Variants in ATP11B observed in about 807,000 individuals in gnomAD.
ATP11B encodes phospholipid-transporting ATPase IF.
ATP11B carries 81 observed loss-of-function variants against 157.8 expected under a neutral mutation model. That is an observed-to-expected ratio of 0.51 (90% CI 0.43 to 0.62). The LOEUF is 0.62. Among genes scored for constraint, ATP11B ranks in the 20% least tolerant of loss-of-function variants. ATP11B has a pLI of 0.00. For missense variants in ATP11B, 1,165 were observed against 1,402.2 expected (o/e 0.83, Z 2.70); for synonymous variants, 451 against 469.4 (o/e 0.96, Z 0.51).
Position 182,887,574 on chromosome 3 carries a change from T to G in ATP11B, c.2716-12T>G. 1 of 1,600,652 alleles carries G rather than the reference T, an allele frequency of 6.2e-7. No homozygotes were observed. The highest frequency in any genetic ancestry group is 1.1e-5 in the South Asian group (1 of 87,724). ...TCAGAAACTCAACATTCCTACCAAT[T>G]TCTCTTTCTAGACATTGTATGACAG... On this transcript the variant is annotated splice_polypyrimidine_tract_variant and intron_variant, in intron 23 of 29. Coordinates refer to ENST00000323116, the MANE Select transcript of ATP11B (RefSeq NM_014616.3).
At chr3:182,814,766 C>T (rs1304252501) in intron 1 of ATP11B, among the ~76,000 whole-genome samples, 1 of 152,160 alleles carries the variant, frequency 6.6e-6, no homozygotes, top group East Asian at 1.9e-4. Context: ...CGTGAATACA[C>T]CACTGCACTC....
chr3:182,911,238 T>A (rs1021044938), intron 28 of ATP11B, among the ~76,000 whole-genome samples: 1 of 141,910 alleles, frequency 7.0e-6, no homozygotes, highest in Non-Finnish European at 1.5e-5. Flanking sequence ...CAGCCTGGAA[T>A]ATCTTTTCCC....
intron 19 of ATP11B, among the ~76,000 whole-genome samples, chr3:182,878,649 G>A (rs1185729501): frequency 6.6e-6 from 1 of 152,162 alleles, no homozygotes; most frequent in Non-Finnish European, 1.5e-5. Flanking sequence ...TAGCACCTAC[G>A]TAGCATATGC....
intron 25 of ATP11B, among the ~76,000 whole-genome samples, chr3:182,890,670 C>T (rs1217758522): frequency 6.6e-6 from 1 of 152,160 alleles, no homozygotes; most frequent in Non-Finnish European, 1.5e-5. Context: ...AATCTTGTAG[C>T]ATAAAGGTTA....
rs565787941 is a variant in ATP11B, at chr3:182,868,939, A to T, written c.1689-139A>T. ...CCCTGTTTTGTTATTAATGGCATGT[A>T]ACCTATCATCATGAAAATGGTATTA... On this transcript the variant is annotated intron_variant, in intron 15 of 29. Coordinates refer to ENST00000323116, the MANE Select transcript of ATP11B (RefSeq NM_014616.3). 7 of 576,904 alleles carry T rather than the reference A, an allele frequency of 1.2e-5. No individual in the cohort carries two copies. The African/African-American group carries it at 1.3e-4, about 11-fold the overall frequency. 35.7% of individuals were successfully genotyped at this position (576,904 alleles called of 1,614,324 possible). A position where few individuals can be genotyped will look rare whatever the true frequency, so the allele number is the denominator to read the frequency against.
chr3:182,809,603 A>G (rs547604110), intron 1 of ATP11B, among the ~76,000 whole-genome samples: 1 of 152,100 alleles, frequency 6.6e-6, no homozygotes, highest in Non-Finnish European at 1.5e-5. Flanking sequence ...AACTGTCACC[A>G]TTTTGCTTGC....
intron 7 of ATP11B, among the ~76,000 whole-genome samples, chr3:182,841,337 G>A (rs1719006307): frequency 6.6e-6 from 1 of 152,138 alleles, no homozygotes; most frequent in Admixed American, 6.5e-5. Flanking sequence ...TCTAGAGCAG[G>A]CATCTTTGTG....
At chr3:182,889,335 C>A in intron 24 of ATP11B, 75 bp from the exon 25 acceptor site, 1 of 1,022,376 alleles carries the variant, frequency 9.8e-7, no homozygotes, top group Non-Finnish European at 1.4e-6. Flanking sequence ...TTTTAATTAT[C>A]ATATTATATT....
intron 2 of ATP11B, among the ~76,000 whole-genome samples, chr3:182,823,675 G>C (rs1717522324): frequency 6.6e-6 from 1 of 152,106 alleles, no homozygotes; most frequent in African/African-American, 2.4e-5. Context: ...GCTTGATGGG[G>C]ATGGCATTAA....
At position 182,879,664 on chromosome 3, in the gene ATP11B, T is replaced by C. The variant is rs755514364; in HGVS notation, c.2406+15T>C. 1 of 1,586,530 alleles carries C rather than the reference T, an allele frequency of 6.3e-7. No individual in the cohort carries two copies. Among genetic ancestry groups the C allele is most frequent in the African/African-American group, 1.4e-5 (1 of 73,568 alleles). ...AGAAAGCAAAAGTATGTATATATGT[T>C]ATAAAAAAGTCCCATAAAGCTATTT... On this transcript the variant is annotated intron_variant, in intron 20 of 29. Coordinates refer to ENST00000323116, the MANE Select transcript of ATP11B (RefSeq NM_014616.3).
At chr3:182,851,362 T>G (rs755908221) in intron 10 of ATP11B, among the ~76,000 whole-genome samples, 16 of 152,238 alleles carry the variant, frequency 1.1e-4, no homozygotes, top group Non-Finnish European at 2.1e-4. Context: ...TGTGTATTTT[T>G]TTTCTCTTTT....
rs1560140597 is a variant in ATP11B, at chr3:182,918,166, C to G, written c.*62C>G. The G allele has an allele frequency of 3.1e-6, 5 of 1,603,850 alleles. No homozygotes were observed. In the East Asian group the frequency reaches 9.0e-5, roughly 29 times the overall value. ...CTTTCCTAAAATTCAGTGTGATCAC[C>G]CTGTTAATGGCCACACTAGCTCTGA... On this transcript the variant is annotated 3_prime_UTR_variant, in exon 30 of 30. Transcript: ENST00000323116.
intron 4 of ATP11B, among the ~76,000 whole-genome samples, chr3:182,832,785 C>G (rs1165477813): frequency 6.6e-6 from 1 of 152,096 alleles, no homozygotes; most frequent in Non-Finnish European, 1.5e-5. Context: ...CTCCACGATT[C>G]TAAAACCTAT....
At chr3:182,867,285 A>G in intron 14 of ATP11B, 91 bp from the exon 15 acceptor site, 2 of 806,116 alleles carry the variant, frequency 2.5e-6, no homozygotes, top group South Asian at 3.2e-5. Context: ...CTTTGATTTT[A>G]AATGTTTTTA....
chr3:182,834,580 A>C (rs538059583), intron 4 of ATP11B, among the ~76,000 whole-genome samples: 1 of 152,190 alleles, frequency 6.6e-6, no homozygotes, highest in Non-Finnish European at 1.5e-5. Flanking sequence ...ACTCTTTCTT[A>C]GATATGATTC....
At chr3:182,903,195 T>C (rs945010833) in intron 28 of ATP11B, among the ~76,000 whole-genome samples, 1 of 152,166 alleles carries the variant, frequency 6.6e-6, no homozygotes, top group Non-Finnish European at 1.5e-5. Context: ...ACTGTTTATA[T>C]TAAGATACTA....
chr3:182,812,974 A>G (rs1437036731), intron 1 of ATP11B, among the ~76,000 whole-genome samples: 1 of 152,096 alleles, frequency 6.6e-6, no homozygotes, highest in Non-Finnish European at 1.5e-5. Flanking sequence ...AATATTTGTC[A>G]TTTTCTGACT....
intron 2 of ATP11B, among the ~76,000 whole-genome samples, chr3:182,825,087 C>A (rs963374475): frequency 2.0e-5 from 3 of 152,316 alleles, no homozygotes; most frequent in South Asian, 2.1e-4. Flanking sequence ...TGGTCTCCTT[C>A]CAGACTGCAT....
Position 182,859,377 on chromosome 3 carries a change from A to G in ATP11B, c.1200+18A>G, listed in dbSNP as rs774711848. The G allele has an allele frequency of 2.0e-6, 3 of 1,534,394 alleles. No individual in the cohort carries two copies. Among genetic ancestry groups the G allele is most frequent in the South Asian group, 1.3e-5 (1 of 79,594 alleles). ...TTGGACAGGTGAAAATGATCCTAATATTTTGTTTCTCTAATTTGTTATTTT... is the reference window on the plus strand; with the variant it reads ...TTGGACAGGTGAAAATGATCCTAATGTTTTGTTTCTCTAATTTGTTATTTT... On this transcript the variant is annotated intron_variant, in intron 12 of 29. Transcript: ENST00000323116.
Sources: allele counts gnomAD v4.1 joint callset (sites outside exome capture counted in the v4.1 genomes callset), GRCh38; gene constraint gnomAD v4.1.1; transcripts MANE v1.5; gene names NCBI Gene and HGNC (gene_info 2026-07-23, HGNC 2026-07-21).